SLIT2: variants seen among roughly 807,000 people sequenced by gnomAD.
SLIT2 encodes slit guidance ligand 2.
SLIT2 carries 41 observed loss-of-function variants against 185.7 expected under a neutral mutation model. That is an observed-to-expected ratio of 0.22 (90% CI 0.17 to 0.29). SLIT2 has a LOEUF of 0.29. Ranked by LOEUF, SLIT2 falls within the 10% of genes least tolerant of loss-of-function variation. SLIT2 has a pLI of 1.00. For missense variants in SLIT2, 1,571 were observed against 1,909.0 expected (o/e 0.82, Z 3.30); for synonymous variants, 693 against 680.2 (o/e 1.02, Z -0.29).
At position 20,406,299 on chromosome 4, in the gene SLIT2, G is replaced by A. The variant is rs1049140515; in HGVS notation, c.396-61453G>A. ...GTGAAACATCAATTATAAATGAAAA[G>A]ATTGAGAAACTCAACTTTATTAAAG... is the stretch of plus-strand genomic sequence containing the variant. On this transcript the variant is annotated intron_variant, in intron 4 of 36. Coordinates refer to ENST00000504154, the MANE Select transcript of SLIT2 (RefSeq NM_004787.4). Among the ~76,000 whole-genome samples the A allele has an allele frequency of 3.5e-5, 5 of 144,114 alleles. 1 individual carries two copies. Among genetic ancestry groups the A allele is most frequent in the African/African-American group, 1.2e-4 (5 of 41,102 alleles). 94.5% of individuals were successfully genotyped at this position (144,114 alleles called of 152,430 possible).
intron 12 of SLIT2, among the ~76,000 whole-genome samples, chr4:20,520,991 T>C (rs1720790408): frequency 6.6e-6 from 1 of 152,228 alleles, no homozygotes; most frequent in South Asian, 2.1e-4. Flanking sequence ...TCTGTACCCA[T>C]TGTAGATATA....
chr4:20,567,271 A>C lies in SLIT2; in HGVS notation c.2735A>C (p.Asp912Ala). The change falls in exon 27 of 37, where the codon GAT (aspartate) becomes GCT (alanine). Residue 912 changes from aspartate (D) to alanine (A), a missense_variant. Physicochemically the swap from Asp to Ala is moderately radical, Grantham distance 126. Coordinates refer to ENST00000504154, the MANE Select transcript of SLIT2 (RefSeq NM_004787.4). ...TTGAATTAATTTTCAGGTCCTGTGG[A>C]TGTCAATATTCTAGCTAAGTGTAAC... ...SKKFTCQGPV[D>A]VNILAKCNPC... 1 of 1,606,948 alleles carries C rather than the reference A, an allele frequency of 6.2e-7. No homozygotes were observed. The highest frequency in any genetic ancestry group is 1.7e-5 in the Admixed American group (1 of 58,374).
At chr4:20,546,926 A>G (rs1174968512) in intron 22 of SLIT2, among the ~76,000 whole-genome samples, 1 of 152,132 alleles carries the variant, frequency 6.6e-6, no homozygotes, top group Non-Finnish European at 1.5e-5. Context: ...CATTTGTTTA[A>G]GTCTATCTAA....
intron 4 of SLIT2, among the ~76,000 whole-genome samples, chr4:20,291,471 TATATATATATATATATATATA>T (rs1333166674): frequency 7.9e-3 from 67 of 8,434 alleles, no homozygotes; most frequent in East Asian, 0.054. Flanking sequence ...TATATATATA[TATATATATATATATATATATA>T]TTTTTTTTTT....
At position 20,268,359 on chromosome 4, in the gene SLIT2, CTA is replaced by C. The variant is rs1713251096; in HGVS notation, c.324-450_324-449del. On this transcript the variant is annotated intron_variant, in intron 3 of 36. Coordinates refer to ENST00000504154, the MANE Select transcript of SLIT2 (RefSeq NM_004787.4). ...ACACCTTTTTTTTTTTTCCTCCCAA[CTA>C]AATGAAAAGCTAAGAAAGTTGAAAT... Among the ~76,000 whole-genome samples the C allele has an allele frequency of 2.0e-5, 3 of 150,790 alleles. No individual in the cohort carries two copies. The South Asian group carries it at 6.3e-4, about 32-fold the overall frequency.
rs1272976609 is a variant in SLIT2, at chr4:20,598,282, C to T, written c.3579C>T (p.Asp1193=). ...NITLQIATDE[D]SGILLYKGDK... Reference sequence around the variant, plus strand: ...TCTACTAGATTGCCACAGATGAAGACAGCGGAATCCTCCTGTATAAGGGTG... The same window carrying T: ...TCTACTAGATTGCCACAGATGAAGATAGCGGAATCCTCCTGTATAAGGGTG... Residue 1193 remains aspartate, a synonymous_variant, in exon 33 of 37, where the codon GAC becomes GAT. Transcript: ENST00000504154. The T allele has an allele frequency of 1.2e-6, 2 of 1,614,008 alleles. No individual in the cohort carries two copies. The highest frequency in any genetic ancestry group is 1.7e-6 in the Non-Finnish European group (2 of 1,179,924).
At chr4:20,273,112 T>C (rs571705760) in intron 4 of SLIT2, among the ~76,000 whole-genome samples, 15 of 152,210 alleles carry the variant, frequency 9.9e-5, no homozygotes, top group African/African-American at 2.9e-4. Context: ...ATTAAGGTAA[T>C]CAATTAATTT....
At chr4:20,454,287 C>T (rs1051601680) in intron 4 of SLIT2, among the ~76,000 whole-genome samples, 2 of 152,096 alleles carry the variant, frequency 1.3e-5, no homozygotes, top group Admixed American at 6.6e-5. Flanking sequence ...ATGTGAAACT[C>T]ATTTTTTTCT....
chr4:20,593,196 A>G (rs1727651232), intron 30 of SLIT2, among the ~76,000 whole-genome samples: 1 of 152,184 alleles, frequency 6.6e-6, no homozygotes, highest in South Asian at 2.1e-4. Flanking sequence ...AGCCATTTAT[A>G]GAACGTGCAT....
chr4:20,512,059 A>G (rs1212443908), intron 11 of SLIT2, among the ~76,000 whole-genome samples: 1 of 152,238 alleles, frequency 6.6e-6, no homozygotes, highest in African/African-American at 2.4e-5. Flanking sequence ...TTGTAAAAAA[A>G]TCTTCAGAAG....
chr4:20,493,607 A>G (rs984474002), intron 9 of SLIT2, among the ~76,000 whole-genome samples: 1 of 152,232 alleles, frequency 6.6e-6, no homozygotes, highest in South Asian at 2.1e-4. Flanking sequence ...AACTAGAGTC[A>G]GAAAGTTTTA....
At chr4:20,272,018 C>T (rs554751099) in intron 4 of SLIT2, among the ~76,000 whole-genome samples, 8 of 152,066 alleles carry the variant, frequency 5.3e-5, no homozygotes, top group East Asian at 1.9e-4. Flanking sequence ...TCTCTTTGGA[C>T]GGGTTGAGAG....
chr4:20,425,968 T>A (rs901962032), intron 4 of SLIT2, among the ~76,000 whole-genome samples: 2 of 152,048 alleles, frequency 1.3e-5, no homozygotes, highest in Admixed American at 6.6e-5. Flanking sequence ...GACAATTCAG[T>A]TTGGGATTTG....
intron 4 of SLIT2, among the ~76,000 whole-genome samples, chr4:20,397,231 C>A (rs762193796): frequency 2.0e-4 from 30 of 151,706 alleles, no homozygotes; most frequent in Non-Finnish European, 4.1e-4. Flanking sequence ...TGTGCAGGGA[C>A]CTACCTAACT....
At chr4:20,328,551 T>A (rs1436830573) in intron 4 of SLIT2, among the ~76,000 whole-genome samples, 2 of 152,012 alleles carry the variant, frequency 1.3e-5, no homozygotes, top group African/African-American at 4.8e-5. Context: ...TTGCCAGTTT[T>A]GCTGCAATAA....
At chr4:20,298,277 C>T (rs563530536) in intron 4 of SLIT2, among the ~76,000 whole-genome samples, 4 of 151,940 alleles carry the variant, frequency 2.6e-5, no homozygotes, top group South Asian at 4.2e-4. Flanking sequence ...TTAGTAGAGA[C>T]GGGGTTTCTC....
intron 30 of SLIT2, among the ~76,000 whole-genome samples, chr4:20,594,022 GTA>G (rs938793135): frequency 2.0e-5 from 3 of 148,284 alleles, no homozygotes; most frequent in African/African-American, 5.0e-5. Context: ...ATGTATGTGT[GTA>G]TATATGTGTA....
intron 4 of SLIT2, among the ~76,000 whole-genome samples, chr4:20,458,004 T>C (rs996698353): frequency 6.6e-6 from 1 of 151,192 alleles, no homozygotes; most frequent in Admixed American, 6.6e-5. Context: ...GATCACTTGG[T>C]CACCAGTTTT....
chr4:20,267,116 T>C (rs1371943488), intron 3 of SLIT2, among the ~76,000 whole-genome samples: 1 of 151,956 alleles, frequency 6.6e-6, no homozygotes. Flanking sequence ...GTTGCAAATA[T>C]GTGTAATATA....
Sources: allele counts gnomAD v4.1 joint callset (sites outside exome capture counted in the v4.1 genomes callset), GRCh38; gene constraint gnomAD v4.1.1; transcripts MANE v1.5; gene names NCBI Gene and HGNC (gene_info 2026-07-23, HGNC 2026-07-21).